The following NCBP3 variants were observed in gnomAD, a reference collection of about 807,000 sequenced individuals.
The protein encoded by NCBP3 is nuclear cap binding subunit 3.
A neutral mutation model predicts 75.7 loss-of-function variants in NCBP3; 20 were observed. The observed-to-expected ratio is 0.26, with a 90% confidence interval of 0.19 to 0.38. The LOEUF is 0.38. NCBP3 is among the 10% of genes least tolerant of loss of function. NCBP3 has a pLI of 1.00. For synonymous variants in NCBP3, 293 were observed against 290.5 expected (o/e 1.01, Z -0.09); for missense variants, 678 against 796.9 (o/e 0.85, Z 1.80).
rs2053348180 is a variant in NCBP3, at chr17:3,807,444, C to G, written c.*5600G>C. 1.3e-5 allele frequency: 2 copies of G among 152,050 alleles called. No individual in the cohort carries two copies. Among genetic ancestry groups the G allele is most frequent in the South Asian group, 4.1e-4 (2 of 4,828 alleles). The allele number at this position is 152,050 out of a possible 1,614,324, so 9.4% of individuals were successfully genotyped here. A position where few individuals can be genotyped will look rare whatever the true frequency, so the allele number is the denominator to read the frequency against. On this transcript the variant is annotated 3_prime_UTR_variant, in exon 13 of 13. Transcript: ENST00000389005. ...ACAACCATATGCACTTCTGAATAAT[C>G]TTCCCTTTTTCGAATCTGGGGCTTT...
rs1227073105 is a variant in NCBP3, at chr17:3,829,337, A to G, written c.387T>C (p.Tyr129=). 6.4e-7 allele frequency: 1 copy of G among 1,551,922 alleles called. No individual in the cohort carries two copies. Among genetic ancestry groups the G allele is most frequent in the Non-Finnish European group, 8.7e-7 (1 of 1,147,002 alleles). The change falls in exon 4 of 13, where the codon TAT becomes TAC. Residue 129 remains tyrosine, a synonymous_variant. Coordinates refer to ENST00000389005, the MANE Select transcript of NCBP3 (RefSeq NM_001114118.3). ...TGCTCATCTCATCTACTCCGCAAAT[A>G]TAGATTGTCTCCAGTCTCACCTTGG... ...AIPKVRLETI[Y]ICGVDEMSTQ...
chr17:3,841,944 T>C (rs1002322285), intron 2 of NCBP3, among the ~76,000 whole-genome samples: 10 of 152,116 alleles, frequency 6.6e-5, no homozygotes, highest in African/African-American at 2.4e-4. Flanking sequence ...TAATACAAAA[T>C]TCTGTTCCAA....
intron 11 of NCBP3, among the ~76,000 whole-genome samples, chr17:3,815,401 A>G (rs2053511354): frequency 6.6e-6 from 1 of 152,202 alleles, no homozygotes; most frequent in South Asian, 2.1e-4. Context: ...GGCTTCTCAC[A>G]TTCCTAGCAC....
At chr17:3,824,248 TA>T (rs1392438532) in intron 7 of NCBP3, 1 of 152,126 alleles carries the variant, frequency 6.6e-6, no homozygotes, top group African/African-American at 2.4e-5. Flanking sequence ...GGAATACATT[TA>T]GGGGTGATGG....
At chr17:3,844,680 G>A (rs218704) in intron 1 of NCBP3, among the ~76,000 whole-genome samples, 26 of 152,246 alleles carry the variant, frequency 1.7e-4, no homozygotes, top group Non-Finnish European at 2.4e-4. Context: ...GAGAAACCCC[G>A]TCTCTACTAA....
Position 3,803,200 on chromosome 17 carries a change from G to A in NCBP3, c.*9844C>T, listed in dbSNP as rs2053295214. On this transcript the variant is annotated 3_prime_UTR_variant, in exon 13 of 13. Transcript: ENST00000389005. ...AACTCACTTTAAACAAATATTCCGG[G>A]ACCAACTTCAAGGACGTTCTACAAC... The A allele has an allele frequency of 6.6e-6, 1 of 152,130 alleles. No individual in the cohort carries two copies. Among genetic ancestry groups the A allele is most frequent in the Admixed American group, 6.5e-5 (1 of 15,268 alleles). 9.4% of individuals were successfully genotyped at this position (152,130 alleles called of 1,614,324 possible).
In NCBP3 at chr17:3,812,601, G is replaced by C. The variant is rs180900602; in HGVS notation, c.*443C>G. The C allele has an allele frequency of 9.9e-7, 1 of 1,013,906 alleles. No homozygotes were observed. Among genetic ancestry groups the C allele is most frequent in the Non-Finnish European group, 1.2e-6 (1 of 847,098 alleles). The allele number at this position is 1,013,906 out of a possible 1,614,324, so 62.8% of individuals were successfully genotyped here. On this transcript the variant is annotated 3_prime_UTR_variant, in exon 13 of 13. Transcript: ENST00000389005. ...TCCCTCCTCTTCCCCCTCGAAGGAT[G>C]TCCAATAAGCACCTGGGAATTGACT...
At chr17:3,837,917 C>G (rs193178795) in intron 3 of NCBP3, among the ~76,000 whole-genome samples, 9 of 152,090 alleles carry the variant, frequency 5.9e-5, no homozygotes, top group Admixed American at 5.9e-4. Context: ...AGCTGACATC[C>G]CACGGCCGAC....
In NCBP3 at chr17:3,822,064, T is replaced by C. The variant is rs1373830851; in HGVS notation, c.797-12A>G. The C allele has an allele frequency of 7.2e-6, 11 of 1,532,268 alleles. No homozygotes were observed. Among genetic ancestry groups the C allele is most frequent in the Admixed American group, 3.4e-5 (2 of 58,150 alleles). 94.9% of individuals were successfully genotyped at this position (1,532,268 alleles called of 1,614,324 possible). A position where few individuals can be genotyped will look rare whatever the true frequency, so the allele number is the denominator to read the frequency against. ...TTCCTTTTTGTCATCTAAAAATTAA[T>C]GACAATAGTTACCTAGGATTTCCTG... On this transcript the variant is annotated splice_polypyrimidine_tract_variant and intron_variant, in intron 7 of 12. Transcript: ENST00000389005.
chr17:3,818,662 TGGGGTTCC>T lies in NCBP3; in HGVS notation c.1001-98_1001-91del. The T allele has an allele frequency of 7.0e-7, 1 of 1,421,790 alleles. No individual in the cohort carries two copies. The highest frequency in any genetic ancestry group is 9.4e-7 in the Non-Finnish European group (1 of 1,060,582). The allele number at this position is 1,421,790 out of a possible 1,614,324, so 88.1% of individuals were successfully genotyped here. The stretch of plus-strand genomic sequence containing the variant: ...CTACATCGGTGACCTTTTTAAAAGG[TGGGGTTCC>T]CATCCCTGACATTTTATTGGAGCAC... On this transcript the variant is annotated intron_variant, in intron 9 of 12. Transcript: ENST00000389005. This position sits in a 1 kb window ranked among gnomAD's most constrained non-coding sequence, Gnocchi z 4.7.
Position 3,818,499 on chromosome 17 carries a change from TTCTTCC to T in NCBP3, c.1068_1073del (p.Glu358_Glu359del), listed in dbSNP as rs566489528. 281 of 1,613,578 alleles carry T rather than the reference TTCTTCC, an allele frequency of 1.7e-4. No individual in the cohort carries two copies. Among genetic ancestry groups the T allele is most frequent in the East Asian group, 1.7e-3 (78 of 44,890 alleles). ...CATCTGCATCCATGTCCTGGTCTTCTTCTTCCTCTTCCTCTTCCTCCTCCTCCTCCT... is the reference window on the plus strand; with the variant it reads ...CATCTGCATCCATGTCCTGGTCTTCTTCTTCCTCTTCCTCCTCCTCCTCCT... On this transcript the variant is annotated inframe_deletion, in exon 10 of 13. Transcript: ENST00000389005. The surrounding 1 kb of genome is among the most constrained non-coding windows in gnomAD (Gnocchi z 4.7).
chr17:3,823,943 C>G (rs2053720854), intron 7 of NCBP3: 1 of 152,142 alleles, frequency 6.6e-6, no homozygotes, highest in Non-Finnish European at 1.5e-5. Context: ...GAGGAATCAT[C>G]AGACAAACCC....
At chr17:3,822,195 A>G in intron 7 of NCBP3, 143 bp from the exon 8 acceptor site, 1 of 622,830 alleles carries the variant, frequency 1.6e-6, no homozygotes, top group Non-Finnish European at 2.8e-6. Context: ...CAACATTCAC[A>G]CTCTGAGTGC....
At chr17:3,841,762 G>A (rs1354533034) in intron 2 of NCBP3, among the ~76,000 whole-genome samples, 2 of 148,208 alleles carry the variant, frequency 1.3e-5, no homozygotes, top group Non-Finnish European at 3.0e-5. Context: ...GAATCCAGGA[G>A]GCAGAGGTTG....
In NCBP3 at chr17:3,818,392, G is replaced by A; in HGVS notation, c.1181C>T (p.Ala394Val). ...CATTTCATCTGAGTCTGAGCTGCTG[G>A]CACTGGATCGTCTAGACGCGCTCCG... ...RERSASRRSS[A>V]SSSDSDEMDY... Residue 394 changes from alanine (A) to valine (V), a missense_variant, in exon 10 of 13, where the codon GCC (alanine) becomes GTC (valine). Coordinates refer to ENST00000389005, the MANE Select transcript of NCBP3 (RefSeq NM_001114118.3). The surrounding 1 kb of genome is among the most constrained non-coding windows in gnomAD (Gnocchi z 4.7). The A allele has an allele frequency of 1.2e-6, 2 of 1,614,084 alleles. No individual in the cohort carries two copies. The highest frequency in any genetic ancestry group is 1.1e-5 in the South Asian group (1 of 91,074).
intron 3 of NCBP3, among the ~76,000 whole-genome samples, chr17:3,836,309 C>A (rs2053970420): frequency 6.6e-6 from 1 of 152,164 alleles, no homozygotes; most frequent in Non-Finnish European, 1.5e-5. Flanking sequence ...GTGCCAAGCG[C>A]CACTCTATGG....
At chr17:3,836,274 G>A (rs1464352833) in intron 3 of NCBP3, among the ~76,000 whole-genome samples, 4 of 152,150 alleles carry the variant, frequency 2.6e-5, no homozygotes, top group African/African-American at 7.2e-5. Flanking sequence ...ATGATAATAA[G>A]CCACATTAAC....
intron 3 of NCBP3, among the ~76,000 whole-genome samples, chr17:3,831,646 T>C (rs1168994405): frequency 3.3e-5 from 4 of 121,526 alleles, no homozygotes; most frequent in Non-Finnish European, 6.0e-5. Context: ...TAATTCGTTA[T>C]AAGATCTCAG....
At chr17:3,831,435 T>C (rs1020398947) in intron 3 of NCBP3, among the ~76,000 whole-genome samples, 1 of 150,760 alleles carries the variant, frequency 6.6e-6, no homozygotes, top group Non-Finnish European at 1.5e-5. Context: ...TAGCTGGGTG[T>C]GGTGGCAGGT....
Sources: gnomAD v4.1 joint callset for allele counts (sites outside exome capture counted in the v4.1 genomes callset) on GRCh38, gnomAD v4.1.1 for gene constraint, Gnocchi (gnomAD v3.1) non-coding constraint, MANE v1.5 for transcripts, NCBI Gene and HGNC (gene_info 2026-07-23, HGNC 2026-07-21) for gene names.